The following SOAT1 variants were observed in gnomAD, a reference collection of about 807,000 sequenced individuals.
SOAT1 encodes acyl-coenzyme A:cholesterol acyltransferase 1.
A neutral mutation model predicts 69.5 loss-of-function variants in SOAT1; 55 were observed. That is an observed-to-expected ratio of 0.79 (90% confidence interval 0.64 to 0.99). The LOEUF (loss-of-function observed/expected upper bound fraction) is 0.99, where lower values mean the gene tolerates loss of function less well. SOAT1 is among the 50% of genes least tolerant of loss of function. SOAT1 has a pLI of 0.00. For missense variants in SOAT1, 580 were observed against 669.3 expected (o/e 0.87, Z 1.47); for synonymous variants, 231 against 224.7 (o/e 1.03, Z -0.25).
At chr1:179,321,558 C>T (rs1665604116) in intron 2 of SOAT1, among the ~76,000 whole-genome samples, 1 of 152,196 alleles carries the variant, frequency 6.6e-6, no homozygotes, top group Admixed American at 6.5e-5. Flanking sequence ...AATTCCAAGT[C>T]AGAAGTCTTT....
At chr1:179,316,447 A>C (rs550206050) in intron 2 of SOAT1, among the ~76,000 whole-genome samples, 8 of 151,846 alleles carry the variant, frequency 5.3e-5, no homozygotes, top group Non-Finnish European at 8.8e-5. Flanking sequence ...CCCAGGCTGG[A>C]GTGCAATGGT....
chr1:179,331,699 G>A (rs1665980607), intron 3 of SOAT1, among the ~76,000 whole-genome samples: 1 of 152,210 alleles, frequency 6.6e-6, no homozygotes, highest in Non-Finnish European at 1.5e-5. Flanking sequence ...TAAGTGCAAT[G>A]AAGGAAAAGA....
At chr1:179,331,718 C>A (rs1665981018) in intron 3 of SOAT1, among the ~76,000 whole-genome samples, 2 of 152,052 alleles carry the variant, frequency 1.3e-5, no homozygotes, top group Non-Finnish European at 2.9e-5. Flanking sequence ...GAATGAGATT[C>A]AGTAAGAGAG....
At chr1:179,298,623 C>T (rs559927709) in intron 1 of SOAT1, among the ~76,000 whole-genome samples, 35 of 152,282 alleles carry the variant, frequency 2.3e-4, no homozygotes, top group Non-Finnish European at 1.8e-4. Context: ...CTTGCCACCA[C>T]GCCGGGCTAA....
intron 8 of SOAT1, 22 bp from the exon 9 acceptor site, chr1:179,342,840 A>G: frequency 1.3e-6 from 2 of 1,579,390 alleles, no homozygotes; most frequent in South Asian, 2.2e-5. Context: ...CCTTTGCTCT[A>G]ACTATAGTTT....
chr1:179,325,946 G>A (rs1468738454), intron 3 of SOAT1, among the ~76,000 whole-genome samples: 1 of 152,204 alleles, frequency 6.6e-6, no homozygotes, highest in Non-Finnish European at 1.5e-5. Flanking sequence ...TAAGGGAAAA[G>A]CTGAAAGAAT....
chr1:179,297,700 C>T (rs1664697180), intron 1 of SOAT1, among the ~76,000 whole-genome samples: 1 of 142,978 alleles, frequency 7.0e-6, no homozygotes, highest in Non-Finnish European at 1.5e-5. Flanking sequence ...TGCCACTGCA[C>T]TTCAACCTGG....
chr1:179,332,733 T>G (rs535701379), intron 3 of SOAT1, among the ~76,000 whole-genome samples: 1 of 152,334 alleles, frequency 6.6e-6, no homozygotes, highest in Admixed American at 6.5e-5. Flanking sequence ...TTCAGATTTA[T>G]TAGTGATCAC....
intron 2 of SOAT1, among the ~76,000 whole-genome samples, chr1:179,316,013 C>T (rs1345119322): frequency 6.6e-6 from 1 of 152,118 alleles, no homozygotes; most frequent in East Asian, 1.9e-4. Context: ...AATCAGTTAC[C>T]AATTTGTAAA....
chr1:179,303,059 C>T (rs1297706543), intron 2 of SOAT1, among the ~76,000 whole-genome samples: 1 of 152,174 alleles, frequency 6.6e-6, no homozygotes, highest in African/African-American at 2.4e-5. Flanking sequence ...AGGTCCCCCG[C>T]TGGATGCTGG....
intron 12 of SOAT1, among the ~76,000 whole-genome samples, chr1:179,348,210 C>T (rs1367704632): frequency 6.6e-6 from 1 of 152,204 alleles, no homozygotes; most frequent in Non-Finnish European, 1.5e-5. Context: ...TGGCTCATAG[C>T]ATTCTTTAAC....
intron 2 of SOAT1, among the ~76,000 whole-genome samples, chr1:179,317,540 A>AAAG (rs1244705686): frequency 6.6e-6 from 1 of 151,976 alleles, no homozygotes; most frequent in Non-Finnish European, 1.5e-5. Context: ...CTCAAAAAAA[A>AAAG]AAAAAAAAAT....
chr1:179,298,207 C>T (rs1259940419), intron 1 of SOAT1, among the ~76,000 whole-genome samples: 1 of 151,992 alleles, frequency 6.6e-6, no homozygotes, highest in Non-Finnish European at 1.5e-5. Context: ...CCTCAGCCTC[C>T]TGAGTAGCTG....
At chr1:179,346,789 C>T (rs772741975) in intron 11 of SOAT1, among the ~76,000 whole-genome samples, 1 of 152,146 alleles carries the variant, frequency 6.6e-6, no homozygotes, top group Non-Finnish European at 1.5e-5. Flanking sequence ...ATTGTCACAG[C>T]ACTGGTGCAG....
At chr1:179,350,216 A>G in intron 13 of SOAT1, 80 bp from the exon 14 acceptor site, 1 of 1,180,586 alleles carries the variant, frequency 8.5e-7, no homozygotes, top group South Asian at 1.4e-5. Flanking sequence ...TGCCTTTGGC[A>G]TATAATTTTA....
At position 179,343,546 on chromosome 1, in the gene SOAT1, A is replaced by G. The variant is rs374491593; in HGVS notation, c.942-44A>G. The G allele has an allele frequency of 2.5e-5, 39 of 1,535,706 alleles. 1 individual carries two copies. The South Asian group carries it at 3.2e-4, about 13-fold the overall frequency. ...TTGTGAGGGTCTTTATTCAAGTTCA[A>G]TTACTTTATTTAGAAACCTTATTTT... is the stretch of plus-strand genomic sequence containing the variant. On this transcript the variant is annotated intron_variant, in intron 9 of 15. Coordinates refer to ENST00000367619, the MANE Select transcript of SOAT1 (RefSeq NM_003101.6).
chr1:179,333,808 G>A (rs1168710758), intron 3 of SOAT1, among the ~76,000 whole-genome samples: 1 of 150,798 alleles, frequency 6.6e-6, no homozygotes, highest in African/African-American at 2.4e-5. Context: ...CCTCTAGCCT[G>A]GGCAATAAGA....
At chr1:179,326,218 T>C (rs540436467) in intron 3 of SOAT1, among the ~76,000 whole-genome samples, 1 of 152,336 alleles carries the variant, frequency 6.6e-6, no homozygotes, top group South Asian at 2.1e-4. Context: ...CCCTCCTTCA[T>C]GTAGCTCTTT....
chr1:179,350,444 G>C lies in SOAT1; in HGVS notation c.1450+13G>C. On this transcript the variant is annotated intron_variant, in intron 14 of 15. Transcript: ENST00000367619. Reference sequence around the variant, plus strand: ...ATGTTCTTTGGAAGTAAGTATCTTGGTATGCTGTGAGTACTGGGTACTATG... The same window carrying C: ...ATGTTCTTTGGAAGTAAGTATCTTGCTATGCTGTGAGTACTGGGTACTATG... The C allele has an allele frequency of 6.2e-7, 1 of 1,612,810 alleles. No individual in the cohort carries two copies. The highest frequency in any genetic ancestry group is 8.5e-7 in the Non-Finnish European group (1 of 1,179,636).
Sources: gnomAD v4.1 joint callset for allele counts (sites outside exome capture counted in the v4.1 genomes callset) on GRCh38, gnomAD v4.1.1 for gene constraint, MANE v1.5 for transcripts, NCBI Gene and HGNC (gene_info 2026-07-23, HGNC 2026-07-21) for gene names.